Variants in BTNL9 observed in about 807,000 individuals in gnomAD.
The protein encoded by BTNL9 is butyrophilin like 9, also known as butyrophilin-like protein 9.
Under a neutral mutation model 45.8 loss-of-function variants are expected in BTNL9, and 45 were observed. That is an observed-to-expected ratio of 0.98 (90% CI 0.77 to 1.26). The LOEUF is 1.26. Among genes scored for constraint, BTNL9 ranks in the 50% most tolerant of loss-of-function variants. The pLI, the probability that BTNL9 is intolerant of heterozygous loss-of-function variation, is 0.00. For synonymous variants in BTNL9, 346 were observed against 330.8 expected (o/e 1.05, Z -0.50); for missense variants, 784 against 729.7 (o/e 1.07, Z -0.86).
intron 7 of BTNL9, chr5:181,054,765 G>C (rs1238310751): frequency 6.1e-6 from 6 of 985,276 alleles, no homozygotes; most frequent in African/African-American, 1.7e-5. Flanking sequence ...GGGCAATTCA[G>C]ATGAAACTGT....
In BTNL9 at chr5:181,053,094, GAGA is replaced by G. The variant is rs1761660455; in HGVS notation, c.737-103_737-101del. 1.0e-6 allele frequency: 1 copy of G among 984,042 alleles called. No homozygotes were observed. Among genetic ancestry groups the G allele is most frequent in the Non-Finnish European group, 1.4e-6 (1 of 693,468 alleles). The allele number at this position is 984,042 out of a possible 1,614,324, so 61.0% of individuals were successfully genotyped here. On this transcript the variant is annotated intron_variant, in intron 4 of 10. Coordinates refer to ENST00000327705, the MANE Select transcript of BTNL9 (RefSeq NM_152547.5). This position sits in a 1 kb window ranked among gnomAD's most constrained non-coding sequence, Gnocchi z 6.5. ...TCCCAGGCGGCTGCGGTGGCGCCCGGAGAAGGTCCCGCGGGAGGTTTCCCGGCA... is the reference window on the plus strand; with the variant it reads ...TCCCAGGCGGCTGCGGTGGCGCCCGGAGGTCCCGCGGGAGGTTTCCCGGCA...
chr5:181,044,179 C>T (rs1189433462), intron 1 of BTNL9, among the ~76,000 whole-genome samples: 9 of 152,176 alleles, frequency 5.9e-5, no homozygotes, highest in Non-Finnish European at 4.4e-5. Flanking sequence ...TCTACCACCT[C>T]ATTAACTCAC....
chr5:181,051,089 CAA>C lies in BTNL9; in HGVS notation c.736+733_736+734del, dbSNP rs372848158. Among the ~76,000 whole-genome samples the C allele has an allele frequency of 2.6e-4, 34 of 131,812 alleles. No homozygotes were observed. The South Asian group carries it at 3.9e-3, about 15-fold the overall frequency. 86.5% of individuals were successfully genotyped at this position (131,812 alleles called of 152,430 possible). On this transcript the variant is annotated intron_variant, in intron 4 of 10. Coordinates refer to ENST00000327705, the MANE Select transcript of BTNL9 (RefSeq NM_152547.5). Reference sequence around the variant, plus strand: ...GCGAGAATCCGTCTCAAAAAAAAAACAAAAAAAAAAAAAACAAGAAGAAGGTG... The same window carrying C: ...GCGAGAATCCGTCTCAAAAAAAAAACAAAAAAAAAAAACAAGAAGAAGGTG...
intron 6 of BTNL9, 142 bp from the exon 7 acceptor site, chr5:181,054,097 G>A: frequency 6.4e-7 from 1 of 1,552,784 alleles, no homozygotes; most frequent in Non-Finnish European, 8.7e-7. Flanking sequence ...TTCCAGCCCA[G>A]CCTGGGCCCG....
At position 181,050,571 on chromosome 5, in the gene BTNL9, G is replaced by A. The variant is rs1761478781; in HGVS notation, c.736+202G>A. On this transcript the variant is annotated intron_variant, in intron 4 of 10. Transcript: ENST00000327705. This position sits in a 1 kb window ranked among gnomAD's most constrained non-coding sequence, Gnocchi z 4.9. ...GAGAACCCAAACAGTCAGTGAGAGAGGCCCCAGAGAGCCCGCCTTTCTGTG... is the reference window on the plus strand; with the variant it reads ...GAGAACCCAAACAGTCAGTGAGAGAAGCCCCAGAGAGCCCGCCTTTCTGTG... Among the ~76,000 whole-genome samples, 1 of 152,182 alleles carries A rather than the reference G, an allele frequency of 6.6e-6. No individual in the cohort carries two copies. Among genetic ancestry groups the A allele is most frequent in the Non-Finnish European group, 1.5e-5 (1 of 68,040 alleles).
intron 9 of BTNL9, among the ~76,000 whole-genome samples, chr5:181,057,829 C>T (rs1178309522): frequency 6.6e-6 from 1 of 152,210 alleles, no homozygotes; most frequent in East Asian, 1.9e-4. Context: ...CTGAGAACGT[C>T]TTGTGTTGCT....
At chr5:181,043,239 T>A (rs62407883) in intron 1 of BTNL9, among the ~76,000 whole-genome samples, 3 of 35,468 alleles carry the variant, frequency 8.5e-5, no homozygotes, top group African/African-American at 3.0e-4. Flanking sequence ...TCTATGTGTG[T>A]GTCTGTGTGT....
intron 1 of BTNL9, among the ~76,000 whole-genome samples, chr5:181,040,821 A>C (rs1256805259): frequency 4.1e-5 from 6 of 145,336 alleles, no homozygotes; most frequent in Non-Finnish European, 9.1e-5. Flanking sequence ...AGGGCATTGC[A>C]GGGGGTGTCG....
chr5:181,051,644 C>T (rs1761545474), intron 4 of BTNL9, among the ~76,000 whole-genome samples: 1 of 152,058 alleles, frequency 6.6e-6, no homozygotes, highest in African/African-American at 2.4e-5. Context: ...AGTGCTCTCT[C>T]TTTTATGTTT....
At chr5:181,051,710 T>C (rs370165545) in intron 4 of BTNL9, among the ~76,000 whole-genome samples, 57 of 151,946 alleles carry the variant, frequency 3.8e-4, no homozygotes, top group Admixed American at 2.6e-4. Context: ...AAGAAAGAAC[T>C]GATATATTTT....
intron 2 of BTNL9, among the ~76,000 whole-genome samples, chr5:181,047,013 C>G (rs574119814): frequency 6.6e-6 from 1 of 152,104 alleles, no homozygotes; most frequent in Non-Finnish European, 1.5e-5. Context: ...ATAGTGTGAA[C>G]AAAGGAAGGT....
chr5:181,053,445 C>G lies in BTNL9; in HGVS notation c.854-24C>G. ...AAGGGGCGGGGGCGCGCACTCAGCCCTCTCCGCTCCCGTTTCCCTTCAGAA... is the reference window on the plus strand; with the variant it reads ...AAGGGGCGGGGGCGCGCACTCAGCCGTCTCCGCTCCCGTTTCCCTTCAGAA... On this transcript the variant is annotated intron_variant, in intron 5 of 10. Coordinates refer to ENST00000327705, the MANE Select transcript of BTNL9 (RefSeq NM_152547.5). This position sits in a 1 kb window ranked among gnomAD's most constrained non-coding sequence, Gnocchi z 6.5. 6.4e-7 allele frequency: 1 copy of G among 1,559,132 alleles called. No individual in the cohort carries two copies. The highest frequency in any genetic ancestry group is 8.7e-7 in the Non-Finnish European group (1 of 1,152,330).
intron 9 of BTNL9, 27 bp from the exon 10 acceptor site, chr5:181,058,325 T>C: frequency 6.2e-7 from 1 of 1,613,990 alleles, no homozygotes; most frequent in Non-Finnish European, 8.5e-7. Context: ...TTTCTGAGCT[T>C]TTTTCCCCTT....
chr5:181,060,493 A>C lies in BTNL9; in HGVS notation c.*631A>C, dbSNP rs534505038. On this transcript the variant is annotated 3_prime_UTR_variant, in exon 11 of 11. Coordinates refer to ENST00000327705, the MANE Select transcript of BTNL9 (RefSeq NM_152547.5). ...CAGGCCGAAGGGGCCTCACTGACCA[A>C]TTGTGGGACAATTTGAACATCAGGA... 1.3e-5 allele frequency: 2 copies of C among 152,244 alleles called. No individual in the cohort carries two copies. The highest frequency in any genetic ancestry group is 2.9e-5 in the Non-Finnish European group (2 of 68,052). 9.4% of individuals were successfully genotyped at this position (152,244 alleles called of 1,614,324 possible). A position where few individuals can be genotyped will look rare whatever the true frequency, so the allele number is the denominator to read the frequency against.
rs140315475 is a variant in BTNL9 at position 181,046,682 on chromosome 5, CGAGA to C, written c.109+1096_109+1099del. Reference sequence around the variant, plus strand: ...CCATGGCTGAGAGAAAGAGAGAGAGCGAGAGAGAGAGAGAGCGAGAGAGAGAGGG... The same window carrying C: ...CCATGGCTGAGAGAAAGAGAGAGAGCGAGAGAGAGAGCGAGAGAGAGAGGG... On this transcript the variant is annotated intron_variant, in intron 2 of 10. Transcript: ENST00000327705. Among the ~76,000 whole-genome samples the C allele has an allele frequency of 3.7e-4, 52 of 140,506 alleles. 1 individual carries two copies. The highest frequency in any genetic ancestry group is 1.3e-3 in the African/African-American group (49 of 37,118). 92.2% of individuals were successfully genotyped at this position (140,506 alleles called of 152,430 possible). A position where few individuals can be genotyped will look rare whatever the true frequency, so the allele number is the denominator to read the frequency against.
At chr5:181,041,251 G>A (rs998068257) in intron 1 of BTNL9, among the ~76,000 whole-genome samples, 5 of 152,264 alleles carry the variant, frequency 3.3e-5, no homozygotes, top group Non-Finnish European at 7.3e-5. Flanking sequence ...AGGGACTCCT[G>A]TGGGAGGACG....
chr5:181,055,156 C>G lies in BTNL9; in HGVS notation c.908-277C>G. The G allele has an allele frequency of 7.9e-7, 1 of 1,259,108 alleles. No homozygotes were observed. Among genetic ancestry groups the G allele is most frequent in the Non-Finnish European group, 1.0e-6 (1 of 999,334 alleles). The allele number at this position is 1,259,108 out of a possible 1,614,324, so 78.0% of individuals were successfully genotyped here. A position where few individuals can be genotyped will look rare whatever the true frequency, so the allele number is the denominator to read the frequency against. Reference sequence around the variant, plus strand: ...TTCAGGCAGAAGGAACAACCCCAACCCTGGGAAGAGGCCTGTCAGTACTAA... The same window carrying G: ...TTCAGGCAGAAGGAACAACCCCAACGCTGGGAAGAGGCCTGTCAGTACTAA... On this transcript the variant is annotated intron_variant, in intron 7 of 10. Coordinates refer to ENST00000327705, the MANE Select transcript of BTNL9 (RefSeq NM_152547.5). The surrounding 1 kb of genome is among the most constrained non-coding windows in gnomAD (Gnocchi z 4.4).
rs748404230 is a variant in BTNL9, at chr5:181,047,910, CTGACT to C, written c.110-14_110-10del. On this transcript the variant is annotated splice_polypyrimidine_tract_variant and intron_variant, in intron 2 of 10. Coordinates refer to ENST00000327705, the MANE Select transcript of BTNL9 (RefSeq NM_152547.5). ...TGGATGAGGGTTGCTTTTGCCTGTT[CTGACT>C]TGTCATCCTAGAGGTCAAGGTGCTA... 3.6e-5 allele frequency: 58 copies of C among 1,604,040 alleles called. No individual in the cohort carries two copies. The African/African-American group carries it at 7.1e-4, about 20-fold the overall frequency.
In BTNL9 at chr5:181,059,112, C is replaced by T; in HGVS notation, c.983-125C>T. 3.6e-6 allele frequency: 5 copies of T among 1,386,194 alleles called. No homozygotes were observed. The South Asian group carries it at 6.3e-5, about 17-fold the overall frequency. The allele number at this position is 1,386,194 out of a possible 1,614,324, so 85.9% of individuals were successfully genotyped here. A position where few individuals can be genotyped will look rare whatever the true frequency, so the allele number is the denominator to read the frequency against. ...GGAGGGGGTTTGCAGGGGTGAGGGT[C>T]GGGGTAAGGGGTTCATTTCCTCGAT... is the stretch of plus-strand genomic sequence containing the variant. On this transcript the variant is annotated intron_variant, in intron 10 of 10. Transcript: ENST00000327705.
Sources: gnomAD v4.1 joint callset for allele counts (sites outside exome capture counted in the v4.1 genomes callset) on GRCh38, gnomAD v4.1.1 for gene constraint, Gnocchi (gnomAD v3.1) non-coding constraint, MANE v1.5 for transcripts, NCBI Gene and HGNC (gene_info 2026-07-23, HGNC 2026-07-21) for gene names.